Variants in TOMM40L observed in about 807,000 individuals in gnomAD.
The protein encoded by TOMM40L is translocase of outer mitochondrial membrane 40 like, also known as mitochondrial import receptor subunit TOM40B.
A neutral mutation model predicts 38.3 loss-of-function variants in TOMM40L; 17 were observed. The ratio of observed to expected loss-of-function variants is 0.44; its 90% CI spans 0.30 to 0.67. The LOEUF (loss-of-function observed/expected upper bound fraction) is 0.67. TOMM40L is among the 30% of genes least tolerant of loss of function. The pLI, the probability that TOMM40L is intolerant of heterozygous loss-of-function variation, is 0.08. For synonymous variants in TOMM40L, 151 were observed against 150.2 expected, an observed-to-expected ratio of 1.01 and a Z score of -0.04; for missense variants, 294 against 390.0, an observed-to-expected ratio of 0.75 and a Z score of 2.07.
At chr1:161,227,429 G>A (rs1465463471) in intron 4 of TOMM40L, 79 bp downstream of exon 4, 3 of 1,380,280 alleles carry the variant, frequency 2.2e-6, no homozygotes, top group African/African-American at 1.4e-5. Context: ...AATTGTGTGT[G>A]TTATGGGGAG....
At position 161,229,512 on chromosome 1, in the gene TOMM40L, G is replaced by T; in HGVS notation, c.*417G>T. The T allele has an allele frequency of 1.1e-6, 1 of 909,478 alleles. No individual in the cohort carries two copies. The allele number at this position is 909,478 out of a possible 1,614,324, so 56.3% of individuals were successfully genotyped here. ...GGAAAGTAGGGCTGAAGGGCTAGAT[G>T]TTTGGTCTCAGGAAGTGGGGCCCAC... On this transcript the variant is annotated 3_prime_UTR_variant, in exon 10 of 10. Coordinates refer to ENST00000367988, the MANE Select transcript of TOMM40L (RefSeq NM_032174.6).
intron 2 of TOMM40L, 65 bp downstream of exon 2, chr1:161,226,669 G>T: frequency 6.6e-7 from 1 of 1,519,244 alleles, no homozygotes; most frequent in East Asian, 2.3e-5. Context: ...CTTGAATGCC[G>T]GATGTCCGGC....
rs1231211110 is a variant in TOMM40L, at chr1:161,227,317, C to G, written c.243C>G (p.Ala81=). Residue 81 remains alanine, a synonymous_variant, in exon 4 of 10, where the codon GCC becomes GCG. Coordinates refer to ENST00000367988, the MANE Select transcript of TOMM40L (RefSeq NM_032174.6). ...TGCCGGGATATCACCTCCATGCGGC[C>G]TATGCAGGGGATTGGCAGCTCAGTC... ...LGLPGYHLHA[A]YAGDWQLSPT... 2.5e-6 allele frequency: 4 copies of G among 1,614,190 alleles called. No individual in the cohort carries two copies. Among genetic ancestry groups the G allele is most frequent in the Non-Finnish European group, 3.4e-6 (4 of 1,180,036 alleles).
chr1:161,228,672 C>A, intron 8 of TOMM40L, 43 bp from the exon 9 acceptor site: 1 of 1,608,824 alleles, frequency 6.2e-7, no homozygotes, highest in Non-Finnish European at 8.5e-7. Flanking sequence ...TTCTGGTCTT[C>A]ACTGATACTG....
chr1:161,226,361 CG>C lies in TOMM40L; in HGVS notation c.-128del. The C allele has an allele frequency of 1.4e-6, 1 of 736,694 alleles. No individual in the cohort carries two copies. Among genetic ancestry groups the C allele is most frequent in the Non-Finnish European group, 2.2e-6 (1 of 450,900 alleles). The allele number at this position is 736,694 out of a possible 1,614,324, so 45.6% of individuals were successfully genotyped here. A position where few individuals can be genotyped will look rare whatever the true frequency, so the allele number is the denominator to read the frequency against. On this transcript the variant is annotated 5_prime_UTR_variant, in exon 2 of 10. Coordinates refer to ENST00000367988, the MANE Select transcript of TOMM40L (RefSeq NM_032174.6). ...CCTACTCTTCCTGTTCCAGGTGTAG[CG>C]TCGGACCATGTGGAAGTTTCTGAGG...
At position 161,229,683 on chromosome 1, in the gene TOMM40L, C is replaced by T. The variant is rs766275202; in HGVS notation, c.*588C>T. ...AGAGGCAGTTATTGCTTTAGTCTTT[C>T]ATTGCAACCACTGGGCTCCCTTTGA... On this transcript the variant is annotated 3_prime_UTR_variant, in exon 10 of 10. Coordinates refer to ENST00000367988, the MANE Select transcript of TOMM40L (RefSeq NM_032174.6). The T allele has an allele frequency of 1.2e-6, 2 of 1,614,032 alleles. No individual in the cohort carries two copies. The highest frequency in any genetic ancestry group is 1.7e-5 in the Admixed American group (1 of 60,034).
Position 161,230,161 on chromosome 1 carries a change from GAGAGCC to G in TOMM40L, c.*1067_*1072del. On this transcript the variant is annotated 3_prime_UTR_variant, in exon 10 of 10. Coordinates refer to ENST00000367988, the MANE Select transcript of TOMM40L (RefSeq NM_032174.6). ...CAGTTTTTTCTGAACCCAGAGCTCT[GAGAGCC>G]GAGTGTGAAGAAAGCTCCAGACTTG... is the stretch of plus-strand genomic sequence containing the variant. 1.9e-6 allele frequency: 1 copy of G among 516,234 alleles called. No individual in the cohort carries two copies. The highest frequency in any genetic ancestry group is 3.5e-6 in the Non-Finnish European group (1 of 289,806). The allele number at this position is 516,234 out of a possible 1,614,324, so 32.0% of individuals were successfully genotyped here.
chr1:161,230,621 G>A lies in TOMM40L; in HGVS notation c.*1526G>A. On this transcript the variant is annotated 3_prime_UTR_variant, in exon 10 of 10. Transcript: ENST00000367988. Reference sequence around the variant, plus strand: ...AATCTGGAAAAAGTGAGATGAAACAGCAGTATCCAAATACAGCAATTTGGA... The same window carrying A: ...AATCTGGAAAAAGTGAGATGAAACAACAGTATCCAAATACAGCAATTTGGA... The A allele has an allele frequency of 1.4e-6, 1 of 698,926 alleles. No homozygotes were observed. The highest frequency in any genetic ancestry group is 2.4e-6 in the Non-Finnish European group (1 of 424,986). 43.3% of individuals were successfully genotyped at this position (698,926 alleles called of 1,614,324 possible).
In TOMM40L at chr1:161,228,460, T is replaced by C; in HGVS notation, c.640T>C (p.Ser214Pro). 6.2e-7 allele frequency: 1 copy of C among 1,614,070 alleles called. No homozygotes were observed. The highest frequency in any genetic ancestry group is 8.5e-7 in the Non-Finnish European group (1 of 1,179,992). ...VHWVATLNVG[S>P]GGAHASYYHR... The stretch of plus-strand genomic sequence containing the variant: ...CTGGGTAGCTACATTGAATGTGGGA[T>C]CAGGCGGGGCCCATGCAAGTTACTA... The change falls in exon 8 of 10, where the codon TCA (serine) becomes CCA (proline). Residue 214 changes from serine to proline, a missense_variant. Ser to Pro is a moderately conservative substitution (Grantham distance 74). Transcript: ENST00000367988.
In TOMM40L at chr1:161,226,336, C is replaced by G; in HGVS notation, c.-135-19C>G. 1 of 647,414 alleles carries G rather than the reference C, an allele frequency of 1.5e-6. No homozygotes were observed. Among genetic ancestry groups the G allele is most frequent in the East Asian group, 2.8e-5 (1 of 36,060 alleles). 40.1% of individuals were successfully genotyped at this position (647,414 alleles called of 1,614,324 possible). On this transcript the variant is annotated intron_variant, in intron 1 of 9. Coordinates refer to ENST00000367988, the MANE Select transcript of TOMM40L (RefSeq NM_032174.6). The stretch of plus-strand genomic sequence containing the variant: ...TGTCTCTCCATGAGTGCTCTCCTTC[C>G]CTACTCTTCCTGTTCCAGGTGTAGC...
chr1:161,228,128 G>A, intron 6 of TOMM40L, 58 bp from the exon 7 acceptor site: 1 of 1,575,428 alleles, frequency 6.3e-7, no homozygotes. Context: ...TGGGAGTGAG[G>A]GAGCAGGTCT....
Position 161,229,078 on chromosome 1 carries a change from A to T in TOMM40L, c.910A>T (p.Ser304Cys), listed in dbSNP as rs1258672251. ...GCGCAACAGATTCCATTGTGGCTTC[A>T]GCATCACTGTGGGCTGAGGTTGTCC... Reference protein sequence around the residue: ...HWRNRFHCGFSITVG With the variant: ...HWRNRFHCGFCITVG The change falls in exon 10 of 10, where the codon AGC (serine) becomes TGC (cysteine). Residue 304 changes from serine (S) to cysteine (C), a missense_variant. Coordinates refer to ENST00000367988, the MANE Select transcript of TOMM40L (RefSeq NM_032174.6). The T allele has an allele frequency of 2.8e-5, 45 of 1,614,170 alleles. No individual in the cohort carries two copies. Among genetic ancestry groups the T allele is most frequent in the Non-Finnish European group, 3.6e-5 (43 of 1,180,020 alleles).
chr1:161,227,582 A>G, intron 4 of TOMM40L, 54 bp from the exon 5 acceptor site: 5 of 1,506,552 alleles, frequency 3.3e-6, no homozygotes, highest in Non-Finnish European at 4.6e-6. Context: ...ATTTGGGTTT[A>G]GGCTGAGTGG....
At position 161,227,255 on chromosome 1, in the gene TOMM40L, C is replaced by T. The variant is rs1267136532; in HGVS notation, c.184-3C>T. On this transcript the variant is annotated splice_polypyrimidine_tract_variant and splice_region_variant and intron_variant, in intron 3 of 9. Coordinates refer to ENST00000367988, the MANE Select transcript of TOMM40L (RefSeq NM_032174.6). Reference sequence around the variant, plus strand: ...TTTCTCCACTGAATCCTCTTTTCCTCAGGTGGCGCACACTATACACATGAG... The same window carrying T: ...TTTCTCCACTGAATCCTCTTTTCCTTAGGTGGCGCACACTATACACATGAG... 1 of 1,613,974 alleles carries T rather than the reference C, an allele frequency of 6.2e-7. No homozygotes were observed. The highest frequency in any genetic ancestry group is 1.3e-5 in the African/African-American group (1 of 75,032).
At position 161,226,879 on chromosome 1, in the gene TOMM40L, C is replaced by A. The variant is rs752511147; in HGVS notation, c.116-9C>A. On this transcript the variant is annotated splice_polypyrimidine_tract_variant and intron_variant, in intron 2 of 9. Coordinates refer to ENST00000367988, the MANE Select transcript of TOMM40L (RefSeq NM_032174.6). ...GTGCTTATTCCTTCCCTTCCCCTAC[C>A]CCCTTCAGATGTATTCCCAGCACAG... 41 of 1,613,936 alleles carry A rather than the reference C, an allele frequency of 2.5e-5. No homozygotes were observed. The highest frequency in any genetic ancestry group is 2.5e-4 in the South Asian group (23 of 91,068).
At chr1:161,227,063 G>T (rs946649432) in intron 3 of TOMM40L, 108 bp downstream of exon 3, 1 of 1,400,988 alleles carries the variant, frequency 7.1e-7, no homozygotes, top group African/African-American at 1.4e-5. Context: ...TGGGACAAAT[G>T]AGGGAGGATG....
intron 3 of TOMM40L, 58 bp from the exon 4 acceptor site, chr1:161,227,200 T>G (rs1454996475): frequency 1.3e-6 from 2 of 1,512,578 alleles, no homozygotes; most frequent in African/African-American, 2.7e-5. Context: ...AAGGGTGGGA[T>G]GAGGGATTGA....
At chr1:161,227,414 A>G in intron 4 of TOMM40L, 64 bp downstream of exon 4, 1 of 1,492,050 alleles carries the variant, frequency 6.7e-7, no homozygotes, top group Non-Finnish European at 9.3e-7. Context: ...GTCTGGAGGA[A>G]GAGGAATTGT....
chr1:161,230,093 C>T lies in TOMM40L; in HGVS notation c.*998C>T, dbSNP rs1035696978. 3 of 760,140 alleles carry T rather than the reference C, an allele frequency of 3.9e-6. No individual in the cohort carries two copies. The highest frequency in any genetic ancestry group is 3.5e-5 in the African/African-American group (2 of 56,644). 47.1% of individuals were successfully genotyped at this position (760,140 alleles called of 1,614,324 possible). A position where few individuals can be genotyped will look rare whatever the true frequency, so the allele number is the denominator to read the frequency against. On this transcript the variant is annotated 3_prime_UTR_variant, in exon 10 of 10. Transcript: ENST00000367988. Reference sequence around the variant, plus strand: ...CAGACTATCAGAGGTTCCAAAGGTCCTCCAGGGGGCCTCGGTCTGACACTG... The same window carrying T: ...CAGACTATCAGAGGTTCCAAAGGTCTTCCAGGGGGCCTCGGTCTGACACTG...
Sources: allele counts gnomAD v4.1 joint callset, GRCh38; gene constraint gnomAD v4.1.1; transcripts MANE v1.5; gene names NCBI Gene and HGNC (gene_info 2026-07-23, HGNC 2026-07-21).